The following RBM47 variants were observed in gnomAD, a reference collection of about 807,000 sequenced individuals.
RBM47 encodes the protein RNA-binding protein 47.
In RBM47, 21 loss-of-function variants were observed where a neutral mutation model predicts 47.1. The observed-to-expected ratio is 0.45, with a 90% CI of 0.32 to 0.64. RBM47 has a LOEUF of 0.64. Among genes scored for constraint, RBM47 ranks in the 30% least tolerant of loss-of-function variants. RBM47 has a pLI of 0.05. For synonymous variants in RBM47, 375 were observed against 361.7 expected, an observed-to-expected ratio of 1.04 and a Z score of -0.42; for missense variants, 708 against 870.9, an observed-to-expected ratio of 0.81 and a Z score of 2.35.
chr4:40,514,674 G>A (rs1725357147), intron 2 of RBM47: 1 of 152,146 alleles, frequency 6.6e-6, no homozygotes, highest in Non-Finnish European at 1.5e-5. Context: ...ACCACTGAGG[G>A]AACACAATAT....
intron 3 of RBM47, among the ~76,000 whole-genome samples, chr4:40,441,252 C>T (rs1437645467): frequency 7.1e-6 from 1 of 139,970 alleles, no homozygotes; most frequent in African/African-American, 2.5e-5. Flanking sequence ...AGAAAGACCT[C>T]GTTCTCCACA....
intron 1 of RBM47, among the ~76,000 whole-genome samples, chr4:40,585,982 C>A (rs568984442): frequency 4.6e-5 from 7 of 152,338 alleles, no homozygotes; most frequent in Middle Eastern, 3.4e-3. Context: ...CCCCCAACAC[C>A]AAGCTCCTTC....
At chr4:40,454,136 AGAGTT>A (rs1266709778) in intron 3 of RBM47, among the ~76,000 whole-genome samples, 1 of 152,150 alleles carries the variant, frequency 6.6e-6, no homozygotes. Context: ...GGACGGTGGC[AGAGTT>A]GAGTTAAGTA....
chr4:40,495,320 T>TA (rs1297996200), intron 2 of RBM47, among the ~76,000 whole-genome samples: 18 of 152,296 alleles, frequency 1.2e-4, no homozygotes, highest in African/African-American at 4.1e-4. Flanking sequence ...CCTAAAATTT[T>TA]ACTCAGCCAG....
chr4:40,517,542 T>C (rs1003271226), intron 2 of RBM47, among the ~76,000 whole-genome samples: 2 of 152,202 alleles, frequency 1.3e-5, no homozygotes, highest in African/African-American at 4.8e-5. Flanking sequence ...AAAAAAAAGT[T>C]TGAAGACACA....
At chr4:40,586,802 T>A (rs1350727272) in intron 1 of RBM47, among the ~76,000 whole-genome samples, 1 of 150,860 alleles carries the variant, frequency 6.6e-6, no homozygotes, top group Admixed American at 6.7e-5. Context: ...TCTTCTGGGG[T>A]TTCCTTATAG....
chr4:40,592,416 TTTTTTTTTTC>T (rs1348067465), intron 1 of RBM47, among the ~76,000 whole-genome samples: 34 of 135,040 alleles, frequency 2.5e-4, no homozygotes, highest in Admixed American at 1.2e-3. Context: ...TGGCTTAATC[TTTTTTTTTTC>T]TTTTTTTTTT....
At chr4:40,476,945 C>G (rs1450483141) in intron 2 of RBM47, among the ~76,000 whole-genome samples, 3 of 152,132 alleles carry the variant, frequency 2.0e-5, no homozygotes, top group Admixed American at 2.0e-4. Flanking sequence ...AGTAAAAAGA[C>G]CAGAATGGGC....
At chr4:40,499,909 C>G (rs1196919981) in intron 2 of RBM47, among the ~76,000 whole-genome samples, 2 of 152,202 alleles carry the variant, frequency 1.3e-5, no homozygotes, top group Non-Finnish European at 2.9e-5. Context: ...TTATAACCCT[C>G]TATAAACTTT....
intron 2 of RBM47, among the ~76,000 whole-genome samples, chr4:40,473,334 A>G (rs1345233421): frequency 6.6e-5 from 10 of 152,160 alleles, no homozygotes; most frequent in Non-Finnish European, 1.5e-4. Flanking sequence ...TGGGGTTCAA[A>G]CCCCAGGCCT....
rs181943662 is a variant in RBM47 at position 40,525,175 on chromosome 4, G to A, written c.-155+19247C>T. On this transcript the variant is annotated intron_variant, in intron 2 of 6. Transcript: ENST00000295971. ...AAACATGGCCAGGCATGATGGCTCA[G>A]GTCTGTAATCCCAGCACTTTGGGAG... Among the ~76,000 whole-genome samples, 14 of 152,286 alleles carry A rather than the reference G, an allele frequency of 9.2e-5. No homozygotes were observed. In the East Asian group the frequency reaches 2.1e-3, roughly 23 times the overall value.
intron 2 of RBM47, chr4:40,514,792 G>A (rs1450980844): frequency 6.6e-6 from 1 of 152,246 alleles, no homozygotes; most frequent in East Asian, 1.9e-4. Flanking sequence ...TTCAGGTGGT[G>A]GGGGCGGAGT....
intron 2 of RBM47, among the ~76,000 whole-genome samples, chr4:40,513,939 G>C (rs1337639948): frequency 6.6e-6 from 1 of 151,878 alleles, no homozygotes; most frequent in Non-Finnish European, 1.5e-5. Flanking sequence ...GGCTCGTCTC[G>C]AACTCCTGAC....
chr4:40,592,458 CTT>C (rs1462965864), intron 1 of RBM47, among the ~76,000 whole-genome samples: 1 of 144,410 alleles, frequency 6.9e-6, no homozygotes, highest in African/African-American at 2.6e-5. Context: ...GAGTTTCGCT[CTT>C]GTTGCCCAGG....
At chr4:40,585,724 C>G (rs893934004) in intron 1 of RBM47, among the ~76,000 whole-genome samples, 2 of 152,196 alleles carry the variant, frequency 1.3e-5, no homozygotes, top group Non-Finnish European at 1.5e-5. Flanking sequence ...GTTTATTAAC[C>G]ATGCCCCTGC....
intron 1 of RBM47, among the ~76,000 whole-genome samples, chr4:40,589,779 A>G (rs1209827808): frequency 2.0e-4 from 30 of 152,156 alleles, no homozygotes; most frequent in Non-Finnish European, 2.9e-5. Context: ...ACAACATATG[A>G]ATAATATCTT....
At chr4:40,594,982 A>G (rs1734620151) in intron 1 of RBM47, among the ~76,000 whole-genome samples, 1 of 152,210 alleles carries the variant, frequency 6.6e-6, no homozygotes, top group Non-Finnish European at 1.5e-5. Flanking sequence ...ATTGCCACGC[A>G]ATAGACATTC....
intron 2 of RBM47, among the ~76,000 whole-genome samples, chr4:40,491,407 C>T (rs762295434): frequency 2.6e-5 from 4 of 152,102 alleles, no homozygotes; most frequent in Non-Finnish European, 4.4e-5. Flanking sequence ...ATGACCTTAG[C>T]TCAGGTAGGC....
chr4:40,585,548 T>C (rs1309369133), intron 1 of RBM47, among the ~76,000 whole-genome samples: 1 of 152,106 alleles, frequency 6.6e-6, no homozygotes, highest in Non-Finnish European at 1.5e-5. Flanking sequence ...ATAGGCCTAT[T>C]GCCTCATACT....
Sources: gnomAD v4.1 joint callset for allele counts (sites outside exome capture counted in the v4.1 genomes callset) on GRCh38, gnomAD v4.1.1 for gene constraint, MANE v1.5 for transcripts, NCBI Gene and HGNC (gene_info 2026-07-23, HGNC 2026-07-21) for gene names.